The following LINGO2 variants were observed in gnomAD, a reference collection of about 807,000 sequenced individuals.
LINGO2 encodes the protein leucine rich repeat and Ig domain containing 2, also known as leucine-rich repeat and immunoglobulin-like domain-containing nogo receptor-interacting protein 2.
In LINGO2, 14 loss-of-function variants were observed where a neutral mutation model predicts 30.6. That is an observed-to-expected ratio of 0.46 (90% confidence interval 0.30 to 0.72). The LOEUF (loss-of-function observed/expected upper bound fraction) is 0.72. LINGO2 is among the 30% of genes least tolerant of loss of function. The pLI is 0.07. For missense variants in LINGO2, 729 were observed against 751.7 expected (o/e 0.97, Z 0.35); for synonymous variants, 317 against 288.5 (o/e 1.10, Z -1.00).
chr9:28,669,868 G>C (rs1828947741), intron 1 of LINGO2, among the ~76,000 whole-genome samples: 1 of 151,958 alleles, frequency 6.6e-6, no homozygotes, highest in Non-Finnish European at 1.5e-5. Flanking sequence ...ATGTATATTA[G>C]AACATGCTAA....
At chr9:28,662,198 T>C (rs543832235) in intron 1 of LINGO2, among the ~76,000 whole-genome samples, 7 of 152,186 alleles carry the variant, frequency 4.6e-5, no homozygotes, top group African/African-American at 1.7e-4. Context: ...CACACAACAG[T>C]AGGGCAAAAT....
intron 2 of LINGO2, among the ~76,000 whole-genome samples, chr9:28,386,781 A>G (rs1821597552): frequency 6.6e-6 from 1 of 152,212 alleles, no homozygotes; most frequent in African/African-American, 2.4e-5. Flanking sequence ...GAAGATGAAT[A>G]TGTTAAAAAT....
intron 1 of LINGO2, among the ~76,000 whole-genome samples, chr9:28,546,316 A>C (rs963212594): frequency 1.2e-4 from 18 of 152,106 alleles, no homozygotes; most frequent in Admixed American, 1.3e-4. Flanking sequence ...AAAAATATTT[A>C]ATCAGTTCTA....
the LINGO2 span, among the ~76,000 whole-genome samples, chr9:28,965,165 T>G: frequency 6.6e-6 from 1 of 151,936 alleles, no homozygotes; most frequent in African/African-American, 2.4e-5. Flanking sequence ...ATTTATTTAA[T>G]TACAACAATT....
chr9:29,001,253 G>A, the LINGO2 span, among the ~76,000 whole-genome samples: 35 of 151,860 alleles, frequency 2.3e-4, no homozygotes, highest in Non-Finnish European at 4.7e-4. Context: ...ATCATTATAG[G>A]CAAAGTAGTA....
chr9:28,367,096 T>A (rs1456142222), intron 3 of LINGO2, among the ~76,000 whole-genome samples: 2 of 145,108 alleles, frequency 1.4e-5, no homozygotes, highest in African/African-American at 5.4e-5. Flanking sequence ...TATTATAATT[T>A]TGGTTAAATC....
chr9:28,412,512 T>C (rs535819142), intron 2 of LINGO2, among the ~76,000 whole-genome samples: 33 of 152,212 alleles, frequency 2.2e-4, no homozygotes, highest in African/African-American at 7.5e-4. Flanking sequence ...GGATCTTACA[T>C]GCAGAAAACT....
At chr9:28,588,559 C>T (rs1046647677) in intron 1 of LINGO2, among the ~76,000 whole-genome samples, 8 of 151,770 alleles carry the variant, frequency 5.3e-5, no homozygotes, top group African/African-American at 1.9e-4. Flanking sequence ...CAGGAATCAG[C>T]AGCTGGAGTC....
At chr9:28,203,935 C>T (rs961237853) in intron 4 of LINGO2, among the ~76,000 whole-genome samples, 3 of 152,052 alleles carry the variant, frequency 2.0e-5, no homozygotes, top group Non-Finnish European at 2.9e-5. Context: ...AAATTTTTTC[C>T]GGTTGTTCCT....
At chr9:28,650,525 A>G (rs1488289068) in intron 1 of LINGO2, among the ~76,000 whole-genome samples, 1 of 152,110 alleles carries the variant, frequency 6.6e-6, no homozygotes, top group Non-Finnish European at 1.5e-5. Flanking sequence ...AGATTCAAAT[A>G]AAGTCCTCAC....
chr9:28,906,547 G>A, the LINGO2 span, among the ~76,000 whole-genome samples: 136,115 of 151,928 alleles, frequency 0.9, 61,259 homozygotes, highest in Non-Finnish European at 0.94. Context: ...GTTGAAACAA[G>A]TGTGCATTGC....
chr9:28,475,241 A>C (rs1234499306), intron 2 of LINGO2, among the ~76,000 whole-genome samples: 1 of 152,222 alleles, frequency 6.6e-6, no homozygotes. Flanking sequence ...CAGTCATCAT[A>C]TACTAAGTAA....
chr9:29,207,070 T>C, the LINGO2 span, among the ~76,000 whole-genome samples: 1 of 151,696 alleles, frequency 6.6e-6, no homozygotes, highest in African/African-American at 2.4e-5. Context: ...CATATGTACA[T>C]ACATATATAC....
chr9:28,519,088 G>A (rs12238286), intron 1 of LINGO2, among the ~76,000 whole-genome samples: 2 of 151,912 alleles, frequency 1.3e-5, no homozygotes, highest in African/African-American at 2.4e-5. Context: ...GCTGGAGTGC[G>A]GTGGTATGAT....
At chr9:28,638,795 AG>A (rs1339747718) in intron 1 of LINGO2, among the ~76,000 whole-genome samples, 1 of 152,042 alleles carries the variant, frequency 6.6e-6, no homozygotes, top group Non-Finnish European at 1.5e-5. Context: ...GATTTTTTGA[AG>A]GGTTTTTTGT....
the LINGO2 span, among the ~76,000 whole-genome samples, chr9:28,944,151 C>G: frequency 1.3e-5 from 2 of 152,182 alleles, no homozygotes; most frequent in Non-Finnish European, 2.9e-5. Flanking sequence ...TTATCTTTGT[C>G]TGTATGATAC....
chr9:29,189,854 A>T, the LINGO2 span, among the ~76,000 whole-genome samples: 1 of 151,800 alleles, frequency 6.6e-6, no homozygotes, highest in African/African-American at 2.4e-5. Context: ...CACCAAAAAA[A>T]TACGAAAACC....
At chr9:28,204,034 G>A (rs975525482) in intron 4 of LINGO2, among the ~76,000 whole-genome samples, 12 of 152,156 alleles carry the variant, frequency 7.9e-5, no homozygotes, top group Non-Finnish European at 1.5e-4. Context: ...ATGTGACACT[G>A]AACGTTTTTA....
At chr9:28,363,450 T>A (rs1820535571) in intron 3 of LINGO2, among the ~76,000 whole-genome samples, 1 of 152,202 alleles carries the variant, frequency 6.6e-6, no homozygotes. Flanking sequence ...CCAGGAAATA[T>A]CTCTAACTTA....
Sources: allele counts gnomAD v4.1 joint callset (sites outside exome capture counted in the v4.1 genomes callset), GRCh38; gene constraint gnomAD v4.1.1; transcripts MANE v1.5; gene names NCBI Gene and HGNC (gene_info 2026-07-23, HGNC 2026-07-21).